The following AGBL4 variants were observed in gnomAD, a reference collection of about 807,000 sequenced individuals.
AGBL4 encodes the protein cytosolic carboxypeptidase 6.
Under a neutral mutation model 66.4 loss-of-function variants are expected in AGBL4, and 58 were observed. That is an observed-to-expected ratio of 0.87 (90% CI 0.71 to 1.09). The LOEUF is 1.09. Among genes scored for constraint, AGBL4 ranks in the 50% least tolerant of loss-of-function variants. The pLI is 0.00. For synonymous variants in AGBL4, 234 were observed against 222.9 expected (o/e 1.05, Z -0.44); for missense variants, 579 against 631.0 (o/e 0.92, Z 0.88).
Position 49,562,209 on chromosome 1 carries a change from C to A in AGBL4, c.282+135104G>T, listed in dbSNP as rs545868264. 1.7e-3 allele frequency among the ~76,000 whole-genome samples: 264 copies of A among 152,168 alleles called. 1 individual carries two copies. The highest frequency in any genetic ancestry group is 5.9e-3 in the African/African-American group (246 of 41,516). On this transcript the variant is annotated intron_variant, in intron 3 of 13. Transcript: ENST00000371839. The stretch of plus-strand genomic sequence containing the variant: ...GTTCATTGTAGATTCTGGATATTAG[C>A]CCTCTGTCAGATAAGTAGGTTGCAA...
chr1:49,342,805 C>T (rs1645566490), intron 3 of AGBL4, among the ~76,000 whole-genome samples: 2 of 152,152 alleles, frequency 1.3e-5, no homozygotes, highest in Non-Finnish European at 2.9e-5. Flanking sequence ...TCTTGAATTT[C>T]CTTTACCTTT....
intron 3 of AGBL4, among the ~76,000 whole-genome samples, chr1:49,638,858 A>T (rs1025729184): frequency 6.6e-6 from 1 of 152,190 alleles, no homozygotes; most frequent in Non-Finnish European, 1.5e-5. Flanking sequence ...AGTACTCGCC[A>T]AGAAGATACT....
chr1:48,754,115 C>G (rs1372165460), intron 6 of AGBL4, among the ~76,000 whole-genome samples: 1 of 152,200 alleles, frequency 6.6e-6, no homozygotes, highest in African/African-American at 2.4e-5. Context: ...ATTATACTGT[C>G]TAAGTGGTAC....
intron 4 of AGBL4, among the ~76,000 whole-genome samples, chr1:49,226,924 C>G (rs1649956047): frequency 6.6e-6 from 1 of 152,146 alleles, no homozygotes; most frequent in Non-Finnish European, 1.5e-5. Context: ...AGGGCTGACT[C>G]AACGTCTGGT....
In AGBL4 at chr1:48,621,234, A is replaced by G. The variant is rs7541115; in HGVS notation, c.951+13259T>C. Among the ~76,000 whole-genome samples, 668 of 152,314 alleles carry G rather than the reference A, an allele frequency of 4.4e-3. 1 individual carries two copies. Among genetic ancestry groups the G allele is most frequent in the African/African-American group, 0.015 (614 of 41,556 alleles). On this transcript the variant is annotated intron_variant, in intron 9 of 13. Coordinates refer to ENST00000371839, the MANE Select transcript of AGBL4 (RefSeq NM_032785.4). ...AATTTTGAGCAGAGAAAGTAGAGAT[A>G]AGATAGATGGAAAGAGAGATAGAAG... is the stretch of plus-strand genomic sequence containing the variant.
chr1:49,880,641 G>A lies in AGBL4; in HGVS notation c.35-29123C>T, dbSNP rs1647207327. On this transcript the variant is annotated intron_variant, in intron 1 of 13. Coordinates refer to ENST00000371839, the MANE Select transcript of AGBL4 (RefSeq NM_032785.4). ...TGTCTGTGCCCTGCCCCCAGAGGTG[G>A]AGCCTACAGAGGCAGGCAAGCCTCC... 2.0e-5 allele frequency among the ~76,000 whole-genome samples: 3 copies of A among 152,286 alleles called. No homozygotes were observed. In the South Asian group the frequency reaches 6.2e-4, roughly 32 times the overall value.
At position 48,759,419 on chromosome 1, in the gene AGBL4, CTTAG is replaced by C. The variant is rs1251492423; in HGVS notation, c.635-96182_635-96179del. 1.5e-5 allele frequency: 21 copies of C among 1,375,564 alleles called. 1 individual carries two copies. The African/African-American group carries it at 2.2e-4, about 14-fold the overall frequency. The allele number at this position is 1,375,564 out of a possible 1,614,324, so 85.2% of individuals were successfully genotyped here. On this transcript the variant is annotated intron_variant, in intron 6 of 13. Coordinates refer to ENST00000371839, the MANE Select transcript of AGBL4 (RefSeq NM_032785.4). ...GTGCTTGGAGAAACCTGTGCAAACA[CTTAG>C]TCAAAGCCCTTCATTTTATAAATGG...
intron 3 of AGBL4, among the ~76,000 whole-genome samples, chr1:49,423,487 A>C (rs1645589801): frequency 6.6e-6 from 1 of 152,144 alleles, no homozygotes; most frequent in African/African-American, 2.4e-5. Context: ...ATAGAAATCA[A>C]GTTGGTAGAA....
At position 48,758,994 on chromosome 1, in the gene AGBL4, C is replaced by T. The variant is rs759453573; in HGVS notation, c.635-95753G>A. ...ACACAAGTGCCCCGTACTCCTTGAGCTTCTTGGCCTGTTGTACCAGCTGCC... is the reference window on the plus strand; with the variant it reads ...ACACAAGTGCCCCGTACTCCTTGAGTTTCTTGGCCTGTTGTACCAGCTGCC... On this transcript the variant is annotated intron_variant, in intron 6 of 13. Coordinates refer to ENST00000371839, the MANE Select transcript of AGBL4 (RefSeq NM_032785.4). 8 of 1,613,738 alleles carry T rather than the reference C, an allele frequency of 5.0e-6. No homozygotes were observed. In the East Asian group the frequency reaches 1.6e-4, roughly 31 times the overall value.
At chr1:48,930,892 A>T (rs1430145358) in intron 5 of AGBL4, among the ~76,000 whole-genome samples, 1 of 152,214 alleles carries the variant, frequency 6.6e-6, no homozygotes, top group Non-Finnish European at 1.5e-5. Context: ...GCAGCATCTA[A>T]GTGACTTACC....
intron 3 of AGBL4, among the ~76,000 whole-genome samples, chr1:49,578,745 T>C (rs1399707342): frequency 2.0e-5 from 3 of 152,342 alleles, no homozygotes; most frequent in South Asian, 2.1e-4. Flanking sequence ...ATGTTAATTG[T>C]AATTATGACC....
chr1:49,940,818 T>A (rs1654678390), intron 1 of AGBL4, among the ~76,000 whole-genome samples: 1 of 151,870 alleles, frequency 6.6e-6, no homozygotes, highest in Non-Finnish European at 1.5e-5. Context: ...AACCTGCACA[T>A]TGTGCACATG....
chr1:49,846,523 A>G, intron 2 of AGBL4: 1 of 684,910 alleles, frequency 1.5e-6, no homozygotes, highest in Non-Finnish European at 2.3e-6. Context: ...AAACAGACTA[A>G]TACAAAAGTG....
chr1:48,711,583 G>T (rs544825448), intron 6 of AGBL4, among the ~76,000 whole-genome samples: 1 of 152,052 alleles, frequency 6.6e-6, no homozygotes, highest in Non-Finnish European at 1.5e-5. Context: ...CCCAGCAATT[G>T]CTGCTCACCC....
intron 10 of AGBL4, among the ~76,000 whole-genome samples, chr1:48,590,021 G>T (rs1333265689): frequency 1.3e-5 from 2 of 152,178 alleles, no homozygotes; most frequent in African/African-American, 2.4e-5. Flanking sequence ...GCTGAAGCAG[G>T]TGGATCACTT....
At chr1:49,699,298 T>C (rs1571353264) in intron 2 of AGBL4, among the ~76,000 whole-genome samples, 2 of 152,076 alleles carry the variant, frequency 1.3e-5, no homozygotes, top group South Asian at 4.1e-4. Context: ...TTCATCATTC[T>C]TGTGATGAGC....
At chr1:49,229,982 T>C (rs1309797280) in intron 4 of AGBL4, among the ~76,000 whole-genome samples, 1 of 152,122 alleles carries the variant, frequency 6.6e-6, no homozygotes, top group Non-Finnish European at 1.5e-5. Flanking sequence ...TAATCTTTTA[T>C]AGACACAAAA....
chr1:48,648,253 C>G (rs1645870741), intron 8 of AGBL4, among the ~76,000 whole-genome samples: 1 of 152,180 alleles, frequency 6.6e-6, no homozygotes, highest in African/African-American at 2.4e-5. Context: ...AACCACCGTT[C>G]TGCTTTCTGT....
intron 5 of AGBL4, among the ~76,000 whole-genome samples, chr1:48,978,193 A>C (rs1351469318): frequency 6.6e-6 from 1 of 152,212 alleles, no homozygotes; most frequent in Admixed American, 6.5e-5. Context: ...ATGTGAGTAT[A>C]GGTAAGTAAC....
Sources: gnomAD v4.1 joint callset for allele counts (sites outside exome capture counted in the v4.1 genomes callset) on GRCh38, gnomAD v4.1.1 for gene constraint, MANE v1.5 for transcripts, NCBI Gene and HGNC (gene_info 2026-07-23, HGNC 2026-07-21) for gene names.